Variants in CAMTA1 observed in about 807,000 individuals in gnomAD.
CAMTA1 encodes calmodulin-binding transcription activator 1.
A neutral mutation model predicts 170.9 loss-of-function variants in CAMTA1; 27 were observed. The ratio of observed to expected loss-of-function variants is 0.16; its 90% CI spans 0.12 to 0.22. The LOEUF (loss-of-function observed/expected upper bound fraction) is 0.22, where lower values mean the gene tolerates loss of function less well. Ranked by LOEUF, CAMTA1 falls within the 10% of genes least tolerant of loss-of-function variation. CAMTA1 has a pLI of 1.00. For synonymous variants in CAMTA1, 833 were observed against 891.5 expected (o/e 0.93, Z 1.17); for missense variants, 1,619 against 2,217.2 (o/e 0.73, Z 5.42).
chr1:7,581,148 T>C (rs1001719409), intron 6 of CAMTA1, among the ~76,000 whole-genome samples: 9 of 152,102 alleles, frequency 5.9e-5, no homozygotes, highest in Non-Finnish European at 1.2e-4. Flanking sequence ...AGAGGACAAG[T>C]TTGAGGGGTA....
chr1:7,209,935 T>C (rs551963107), intron 4 of CAMTA1, among the ~76,000 whole-genome samples: 166 of 152,370 alleles, frequency 1.1e-3, no homozygotes, highest in South Asian at 2.1e-3. Flanking sequence ...ATATCTGTCT[T>C]ATCATTCTGT....
intron 7 of CAMTA1, among the ~76,000 whole-genome samples, chr1:7,647,199 A>C (rs764379248): frequency 4.0e-5 from 6 of 150,374 alleles, no homozygotes; most frequent in Non-Finnish European, 5.9e-5. Context: ...CGCTGTTGCC[A>C]GTACCCAAGC....
intron 3 of CAMTA1, among the ~76,000 whole-genome samples, chr1:6,877,896 C>T (rs1670387010): frequency 6.6e-6 from 1 of 152,190 alleles, no homozygotes; most frequent in Admixed American, 6.5e-5. Flanking sequence ...ATCTACTTTA[C>T]CTGCTCTAGT....
intron 11 of CAMTA1, chr1:7,692,999 A>G (rs192265179): frequency 1.3e-5 from 2 of 152,380 alleles, no homozygotes; most frequent in Admixed American, 1.3e-4. Context: ...GACAGTGGCT[A>G]ATTCTCTATC....
intron 4 of CAMTA1, among the ~76,000 whole-genome samples, chr1:7,119,202 G>A (rs888847500): frequency 1.3e-5 from 2 of 152,106 alleles, no homozygotes; most frequent in African/African-American, 4.8e-5. Flanking sequence ...TCATTAAAAC[G>A]ACTCCTTTGG....
Position 6,788,223 on chromosome 1 carries a change from G to T in CAMTA1, c.45+2648G>T, listed in dbSNP as rs139823010. ...ACGAAATTCAGAATGGCTGCTAGCC[G>T]CTGTCACTCAGCAGGGAAGTCTTAC... On this transcript the variant is annotated intron_variant, in intron 1 of 22. Coordinates refer to ENST00000303635, the MANE Select transcript of CAMTA1 (RefSeq NM_015215.4). Among the ~76,000 whole-genome samples the T allele has an allele frequency of 2.7e-3, 335 of 126,182 alleles. 2 individuals carry two copies. In the Middle Eastern group the frequency reaches 0.028, roughly 11 times the overall value. 82.8% of individuals were successfully genotyped at this position (126,182 alleles called of 152,430 possible).
intron 12 of CAMTA1, among the ~76,000 whole-genome samples, chr1:7,735,294 G>A (rs1342474423): frequency 2.0e-5 from 3 of 152,048 alleles, no homozygotes; most frequent in African/African-American, 7.2e-5. Context: ...TCGGGTGTTC[G>A]AGACCAGCCT....
At chr1:7,180,782 T>C (rs944156765) in intron 4 of CAMTA1, among the ~76,000 whole-genome samples, 12 of 152,128 alleles carry the variant, frequency 7.9e-5, no homozygotes, top group Admixed American at 6.5e-5. Context: ...AAAGTGCTGG[T>C]ATTACAGATG....
At position 7,736,373 on chromosome 1, in the gene CAMTA1, C is replaced by G; in HGVS notation, c.3096C>G (p.Ser1032Arg). ...CTTCTGGGACTGGGGCCTTGGGGAG[C>G]TGCTTTGAGAGCCGTGTGGTCGTGG... The part of the protein sequence containing the change: ...QCASGTGALG[S>R]CFESRVVVVC... The change falls in exon 13 of 23, where the codon AGC becomes AGG. Residue 1032 changes from serine to arginine, a missense_variant. This residue lies in a region of CAMTA1 where 143 missense variants were observed against 184.2 expected (regional missense o/e 0.78). Transcript: ENST00000303635. This position sits in a 1 kb window ranked among gnomAD's most constrained non-coding sequence, Gnocchi z 4.5. The G allele has an allele frequency of 6.2e-7, 1 of 1,614,120 alleles. No homozygotes were observed. Among genetic ancestry groups the G allele is most frequent in the Non-Finnish European group, 8.5e-7 (1 of 1,180,004 alleles).
At chr1:7,595,753 G>A (rs1472191210) in intron 6 of CAMTA1, among the ~76,000 whole-genome samples, 2 of 152,214 alleles carry the variant, frequency 1.3e-5, no homozygotes, top group African/African-American at 4.8e-5. Context: ...AATGCAAAAG[G>A]CTTGCCTGAG....
intron 3 of CAMTA1, among the ~76,000 whole-genome samples, chr1:6,997,658 TTC>T (rs1491050473): frequency 1.1e-4 from 16 of 145,108 alleles, no homozygotes; most frequent in African/African-American, 1.3e-4. Flanking sequence ...TTTCTTTTCT[TTC>T]TTTTTTTTTT....
In CAMTA1 at chr1:7,234,406, C is replaced by T. The variant is rs946622230; in HGVS notation, c.303-15085C>T. ...CTCATTCGCTATCTCTGGTGGGTCCCCTTTCCCTCCTGCAGCTCTGGGGCC... is the reference window on the plus strand; with the variant it reads ...CTCATTCGCTATCTCTGGTGGGTCCTCTTTCCCTCCTGCAGCTCTGGGGCC... On this transcript the variant is annotated intron_variant, in intron 4 of 22. Transcript: ENST00000303635. This position sits in a 1 kb window ranked among gnomAD's most constrained non-coding sequence, Gnocchi z 5.0. Among the ~76,000 whole-genome samples the T allele has an allele frequency of 3.3e-5, 5 of 152,188 alleles. No homozygotes were observed. Among genetic ancestry groups the T allele is most frequent in the African/African-American group, 1.2e-4 (5 of 41,456 alleles).
chr1:6,980,858 A>G (rs369462966), intron 3 of CAMTA1, among the ~76,000 whole-genome samples: 1 of 152,194 alleles, frequency 6.6e-6, no homozygotes, highest in Non-Finnish European at 1.5e-5. Context: ...AGTCTTGGGT[A>G]TGTCTTTATT....
At chr1:7,118,040 T>A (rs1644434435) in intron 4 of CAMTA1, among the ~76,000 whole-genome samples, 1 of 152,202 alleles carries the variant, frequency 6.6e-6, no homozygotes, top group Non-Finnish European at 1.5e-5. Flanking sequence ...AAAGGCTTCA[T>A]TACCTCCAAG....
rs115789669 is a variant in CAMTA1, at chr1:7,041,933, G to A, written c.235-49371G>A. On this transcript the variant is annotated intron_variant, in intron 3 of 22. Transcript: ENST00000303635. The surrounding 1 kb of genome is among the most constrained non-coding windows in gnomAD (Gnocchi z 5.1). ...TGTGTGCAGGGGTTAACGTCTGAAT[G>A]CTCTGATCTGGAAGCTTCTAGAAGC... Among the ~76,000 whole-genome samples the A allele has an allele frequency of 0.02, 3,030 of 152,278 alleles. 89 individuals are homozygous for A. The highest frequency in any genetic ancestry group is 0.068 in the African/African-American group (2,839 of 41,546).
intron 3 of CAMTA1, among the ~76,000 whole-genome samples, chr1:6,930,356 G>T (rs996390533): frequency 6.6e-6 from 1 of 152,188 alleles, no homozygotes; most frequent in Non-Finnish European, 1.5e-5. Context: ...GCGACTTTGA[G>T]TATGTGGCAG....
At position 7,464,644 on chromosome 1, in the gene CAMTA1, C is replaced by T. The variant is rs534369221; in HGVS notation, c.439-3186C>T. 3.3e-5 allele frequency among the ~76,000 whole-genome samples: 5 copies of T among 152,238 alleles called. No individual in the cohort carries two copies. The East Asian group carries it at 9.7e-4, about 29-fold the overall frequency. On this transcript the variant is annotated intron_variant, in intron 5 of 22. Coordinates refer to ENST00000303635, the MANE Select transcript of CAMTA1 (RefSeq NM_015215.4). The stretch of plus-strand genomic sequence containing the variant: ...TCCTGTCCTTCACTGGCTGCTTTTC[C>T]TGCTGCTGTGCTTCCCTCGGCAAAC...
At chr1:7,141,329 C>G (rs922318768) in intron 4 of CAMTA1, among the ~76,000 whole-genome samples, 26 of 152,234 alleles carry the variant, frequency 1.7e-4, no homozygotes, top group South Asian at 4.1e-4. Flanking sequence ...CCCCAAACAC[C>G]TTTCTTACTA....
chr1:7,245,893 G>A (rs187468618), intron 4 of CAMTA1, among the ~76,000 whole-genome samples: 2 of 152,254 alleles, frequency 1.3e-5, no homozygotes, highest in Non-Finnish European at 2.9e-5. Flanking sequence ...GCAAATGAAG[G>A]GCCATTCCCC....
Sources: gnomAD v4.1 joint callset for allele counts (sites outside exome capture counted in the v4.1 genomes callset) on GRCh38, gnomAD v4.1.1 for gene constraint, gnomAD v4.1.1 regional missense constraint, Gnocchi (gnomAD v3.1) non-coding constraint, MANE v1.5 for transcripts, NCBI Gene and HGNC (gene_info 2026-07-23, HGNC 2026-07-21) for gene names.